SEMA6D: variants seen among roughly 807,000 people sequenced by gnomAD.
The protein encoded by SEMA6D is semaphorin-6D.
SEMA6D carries 35 observed loss-of-function variants against 106.6 expected under a neutral mutation model. The observed-to-expected ratio is 0.33, with a 90% CI of 0.25 to 0.44. SEMA6D has a LOEUF of 0.44. Among genes scored for constraint, SEMA6D ranks in the 20% least tolerant of loss-of-function variants. The pLI is 1.00. For missense variants in SEMA6D, 1,185 were observed against 1,345.9 expected (o/e 0.88, Z 1.87); for synonymous variants, 499 against 487.7 (o/e 1.02, Z -0.31).
intron 3 of SEMA6D, among the ~76,000 whole-genome samples, chr15:47,523,359 AGGGGGCTTCCC>A (rs2044648806): frequency 1.3e-5 from 2 of 152,088 alleles, no homozygotes; most frequent in Admixed American, 6.5e-5. Flanking sequence ...CTTCTTCACC[AGGGGGCTTCCC>A]AATGGAAGCC....
chr15:47,329,162 T>C (rs181896950), intron 1 of SEMA6D, among the ~76,000 whole-genome samples: 1,687 of 152,262 alleles, frequency 0.011, 13 homozygotes, highest in Non-Finnish European at 0.014. Flanking sequence ...TGCCCAGTGG[T>C]GAGCAAGGCA....
chr15:47,533,531 T>A (rs1438510344), intron 3 of SEMA6D, among the ~76,000 whole-genome samples: 2 of 152,214 alleles, frequency 1.3e-5, no homozygotes, highest in Admixed American at 6.6e-5. Context: ...AGTCTGTAGA[T>A]TCACTTTCTC....
intron 1 of SEMA6D, among the ~76,000 whole-genome samples, chr15:47,257,426 G>A (rs2033866860): frequency 6.6e-6 from 1 of 152,096 alleles, no homozygotes; most frequent in Admixed American, 6.6e-5. Flanking sequence ...TCTAGTATAA[G>A]CCTTTTGTGT....
At chr15:47,612,654 T>G (rs1003798760) in intron 4 of SEMA6D, among the ~76,000 whole-genome samples, 8 of 152,204 alleles carry the variant, frequency 5.3e-5, no homozygotes, top group African/African-American at 1.9e-4. Flanking sequence ...AGAAAATGTG[T>G]CAGAGAGAAA....
At chr15:47,623,373 TA>T (rs1371815701) in intron 4 of SEMA6D, among the ~76,000 whole-genome samples, 2 of 152,248 alleles carry the variant, frequency 1.3e-5, no homozygotes, top group African/African-American at 4.8e-5. Flanking sequence ...TTAACTCATT[TA>T]TTCCTCCCAA....
At chr15:47,282,724 C>A (rs1467731407) in intron 1 of SEMA6D, among the ~76,000 whole-genome samples, 2 of 152,156 alleles carry the variant, frequency 1.3e-5, no homozygotes, top group Non-Finnish European at 1.5e-5. Context: ...GGGCACTATA[C>A]TGGAAGCTTT....
At chr15:47,515,025 C>G (rs1410338483) in intron 3 of SEMA6D, among the ~76,000 whole-genome samples, 1 of 152,136 alleles carries the variant, frequency 6.6e-6, no homozygotes, top group African/African-American at 2.4e-5. Context: ...CATTTCCTAC[C>G]CCCATTCTTT....
chr15:47,739,957 A>T (rs2080702454), intron 1 of SEMA6D, among the ~76,000 whole-genome samples: 1 of 152,220 alleles, frequency 6.6e-6, no homozygotes, highest in African/African-American at 2.4e-5. Flanking sequence ...GGAAACAACC[A>T]TTTTAGATAG....
intron 1 of SEMA6D, among the ~76,000 whole-genome samples, chr15:47,403,430 A>G (rs901212148): frequency 3.3e-5 from 5 of 152,198 alleles, no homozygotes; most frequent in South Asian, 4.1e-4. Context: ...TCTCAGTTCA[A>G]TTTAGTGCGG....
At chr15:47,498,177 C>T (rs1005902954) in intron 3 of SEMA6D, among the ~76,000 whole-genome samples, 1 of 152,120 alleles carries the variant, frequency 6.6e-6, no homozygotes, top group African/African-American at 2.4e-5. Context: ...ACTTTAAGAT[C>T]ATGCATTTCT....
In SEMA6D at chr15:47,435,359, A is replaced by C. The variant is rs1177369319; in HGVS notation, c.-159+22887A>C. Among the ~76,000 whole-genome samples, 5 of 152,082 alleles carry C rather than the reference A, an allele frequency of 3.3e-5. No homozygotes were observed. In the East Asian group the frequency reaches 9.7e-4, roughly 30 times the overall value. ...GTAAAATAGAGTAGGTTCTCACTCT[A>C]CTCTGTCACCATCTTCTGTAGCAAA... is the stretch of plus-strand genomic sequence containing the variant. On this transcript the variant is annotated intron_variant, in intron 2 of 19. Transcript: ENST00000558014.
At chr15:47,616,968 T>C (rs1003430656) in intron 4 of SEMA6D, among the ~76,000 whole-genome samples, 1 of 152,220 alleles carries the variant, frequency 6.6e-6, no homozygotes, top group Non-Finnish European at 1.5e-5. Context: ...TACATGCTTT[T>C]TTACACCTGA....
At chr15:47,764,350 C>G in intron 11 of SEMA6D, 45 bp downstream of exon 11, 11 of 1,584,622 alleles carry the variant, frequency 6.9e-6, no homozygotes, top group Admixed American at 1.8e-5. Flanking sequence ...ACAAAACCTT[C>G]CGGTCATTGG....
At chr15:47,376,808 A>G (rs904979647) in intron 1 of SEMA6D, among the ~76,000 whole-genome samples, 5 of 152,132 alleles carry the variant, frequency 3.3e-5, no homozygotes, top group Non-Finnish European at 7.4e-5. Flanking sequence ...CCCTCAGTTG[A>G]CCCTTTGTAA....
upstream of SEMA6D, among the ~76,000 whole-genome samples, chr15:47,715,601 A>AC (rs2079096215): frequency 6.6e-6 from 1 of 152,198 alleles, no homozygotes; most frequent in Non-Finnish European, 1.5e-5. Context: ...ATGTAGACTG[A>AC]AAACACGGCT....
intron 4 of SEMA6D, among the ~76,000 whole-genome samples, chr15:47,608,009 C>T (rs1310078441): frequency 1.3e-5 from 2 of 152,104 alleles, no homozygotes; most frequent in African/African-American, 4.8e-5. Flanking sequence ...CATAATTTGA[C>T]CTAAGAGAGT....
intron 3 of SEMA6D, among the ~76,000 whole-genome samples, chr15:47,598,757 T>G (rs931781420): frequency 6.6e-6 from 1 of 152,160 alleles, no homozygotes; most frequent in Non-Finnish European, 1.5e-5. Context: ...TTTCAGGAAT[T>G]TACAGATCAC....
At chr15:47,526,918 T>C (rs1368933467) in intron 3 of SEMA6D, among the ~76,000 whole-genome samples, 5 of 152,080 alleles carry the variant, frequency 3.3e-5, no homozygotes, top group Non-Finnish European at 7.4e-5. Context: ...TTTGTATTTT[T>C]AGTAGAGATG....
chr15:47,471,923 TCTCTCTCTCACA>T (rs2042853439), intron 3 of SEMA6D, among the ~76,000 whole-genome samples: 3 of 129,998 alleles, frequency 2.3e-5, no homozygotes, highest in African/African-American at 1.0e-4. Flanking sequence ...TCTCTCTCTC[TCTCTCTCTCACA>T]CACACACACA....
Sources: gnomAD v4.1 joint callset for allele counts (sites outside exome capture counted in the v4.1 genomes callset) on GRCh38, gnomAD v4.1.1 for gene constraint, MANE v1.5 for transcripts, NCBI Gene and HGNC (gene_info 2026-07-23, HGNC 2026-07-21) for gene names.